Variants in C4orf50 observed in about 807,000 individuals in gnomAD.
C4orf50 encodes chromosome 4 open reading frame 50, also known as uncharacterized protein C4orf50.
Under a neutral mutation model 77.2 loss-of-function variants are expected in C4orf50, and 80 were observed. The observed-to-expected ratio is 1.04, with a 90% CI of 0.87 to 1.25. The LOEUF is 1.25. Ranked by LOEUF, C4orf50 falls within the 50% of genes most tolerant of loss-of-function variation. The probability of loss-of-function intolerance (pLI) is 0.00; values close to 1 mark genes in which losing one functional copy is unlikely to be tolerated. For missense variants in C4orf50, 1,257 were observed against 1,152.9 expected (o/e 1.09, Z -1.31); for synonymous variants, 532 against 465.3 (o/e 1.14, Z -1.84).
intron 24 of C4orf50, among the ~76,000 whole-genome samples, chr4:6,010,833 G>A (rs1001188500): frequency 2.6e-5 from 4 of 152,184 alleles, no homozygotes; most frequent in Non-Finnish European, 4.4e-5. Context: ...TTTTAGTAAT[G>A]GCTAATAATT....
chr4:5,907,678 G>A (rs1177684608), intron 7 of C4orf50, among the ~76,000 whole-genome samples: 2 of 152,150 alleles, frequency 1.3e-5, no homozygotes, highest in Admixed American at 1.3e-4. Context: ...TGGGGGAAGA[G>A]GTGCTCTAGA....
At chr4:5,981,833 C>T (rs1026228959) in intron 28 of C4orf50, among the ~76,000 whole-genome samples, 2 of 152,054 alleles carry the variant, frequency 1.3e-5, no homozygotes, top group South Asian at 4.2e-4. Context: ...CTCCCTTCCC[C>T]TTGTGATGGC....
intron 7 of C4orf50, among the ~76,000 whole-genome samples, chr4:5,911,745 A>C (rs575828726): frequency 1.4e-3 from 219 of 152,286 alleles, no homozygotes; most frequent in African/African-American, 5.0e-3. Flanking sequence ...AAAAACAAAA[A>C]CAAAAACAAA....
intron 7 of C4orf50, among the ~76,000 whole-genome samples, chr4:5,943,227 C>T (rs1053890467): frequency 6.6e-6 from 1 of 152,208 alleles, no homozygotes; most frequent in Non-Finnish European, 1.5e-5. Flanking sequence ...CAGTAGGCTT[C>T]TTCTTAAAGT....
chr4:6,005,152 C>T (rs906612021), intron 25 of C4orf50, among the ~76,000 whole-genome samples: 5 of 152,160 alleles, frequency 3.3e-5, no homozygotes, highest in African/African-American at 1.2e-4. Context: ...CATCTTGCTC[C>T]ACTCCAATGT....
intron 30 of C4orf50, among the ~76,000 whole-genome samples, chr4:5,974,190 T>C (rs556354005): frequency 1.3e-5 from 2 of 152,316 alleles, no homozygotes; most frequent in African/African-American, 4.8e-5. Context: ...GGCTTTGTCA[T>C]GGACACCAGG....
intron 7 of C4orf50, among the ~76,000 whole-genome samples, chr4:5,907,856 G>A (rs1386610864): frequency 6.6e-6 from 1 of 152,190 alleles, no homozygotes; most frequent in South Asian, 2.1e-4. Flanking sequence ...ATGTTGGCAT[G>A]TTCGAAGGAC....
chr4:5,910,907 CTTTTT>C (rs33913636), intron 7 of C4orf50, among the ~76,000 whole-genome samples: 1 of 106,552 alleles, frequency 9.4e-6, no homozygotes, highest in Non-Finnish European at 1.8e-5. Context: ...CCCTTTCTTT[CTTTTT>C]TTTTTTTTTT....
chr4:5,899,231 T>G (rs1226236436), intron 7 of C4orf50: 1 of 152,254 alleles, frequency 6.6e-6, no homozygotes, highest in Non-Finnish European at 1.5e-5. Context: ...TTGGTGCACA[T>G]GCCGAAGACA....
intron 29 of C4orf50, 115 bp from the exon 8 acceptor site, chr4:5,976,070 A>C: frequency 7.8e-6 from 6 of 770,928 alleles, no homozygotes; most frequent in South Asian, 3.0e-5. Context: ...CTTTACCCTC[A>C]TGGGGACTCA....
chr4:5,947,265 C>T (rs1039762001), intron 7 of C4orf50, among the ~76,000 whole-genome samples: 1 of 152,130 alleles, frequency 6.6e-6, no homozygotes, highest in Non-Finnish European at 1.5e-5. Flanking sequence ...AGAATGGCCT[C>T]CCTTCCTTAC....
chr4:6,003,664 GGTGATGGTGATGATA>G (rs1419324973), intron 25 of C4orf50, among the ~76,000 whole-genome samples: 10 of 149,314 alleles, frequency 6.7e-5, no homozygotes, highest in African/African-American at 2.0e-4. Context: ...TGGTGATGAT[GGTGATGGTGATGATA>G]GTGATGATGG....
intron 7 of C4orf50, among the ~76,000 whole-genome samples, chr4:5,918,656 G>C (rs926349270): frequency 7.9e-5 from 12 of 152,178 alleles, no homozygotes; most frequent in African/African-American, 2.2e-4. Context: ...AGTGGGGCTT[G>C]TAAATTGACT....
At chr4:5,921,174 G>A (rs992985608) in intron 7 of C4orf50, among the ~76,000 whole-genome samples, 1 of 152,246 alleles carries the variant, frequency 6.6e-6, no homozygotes. Context: ...GATCCCAGGG[G>A]ATGACAGGTG....
chr4:5,993,410 C>G (rs1721403253), intron 26 of C4orf50, among the ~76,000 whole-genome samples: 1 of 152,248 alleles, frequency 6.6e-6, no homozygotes, highest in Admixed American at 6.5e-5. Context: ...CCATCCCTAA[C>G]AGCCCTTGAG....
At chr4:5,994,236 G>T (rs974729806) in intron 26 of C4orf50, 111 bp downstream of exon 4, 8 of 396,976 alleles carry the variant, frequency 2.0e-5, no homozygotes, top group South Asian at 1.4e-4. Context: ...GTAGGGAGGG[G>T]GGACCACCCC....
intron 33 of C4orf50, 150 bp downstream of exon 11, chr4:5,964,874 G>A: frequency 4.9e-6 from 3 of 611,942 alleles, no homozygotes; most frequent in Non-Finnish European, 8.4e-6. Context: ...TGAAACCAGG[G>A]GGCTGTTCGG....
rs55858229 is a variant in C4orf50, at chr4:5,995,474, AACACACACACACACACACACAC to A, written c.964-1020_964-999del. ...CACAGGGGAGAGGCTTGGGACTGGA[AACACACACACACACACACACAC>A]ACACACACACACACACACACACTCA... is the stretch of plus-strand genomic sequence containing the variant. On this transcript the variant is annotated intron_variant, in intron 25 of 33. Transcript: ENST00000531445. Among the ~76,000 whole-genome samples the A allele has an allele frequency of 8.6e-4, 115 of 134,058 alleles. 1 individual carries two copies. Among genetic ancestry groups the A allele is most frequent in the Non-Finnish European group, 1.4e-3 (91 of 63,326 alleles). 87.9% of individuals were successfully genotyped at this position (134,058 alleles called of 152,430 possible).
At chr4:5,907,440 G>A (rs1292619942) in intron 7 of C4orf50, among the ~76,000 whole-genome samples, 1 of 152,128 alleles carries the variant, frequency 6.6e-6, no homozygotes, top group East Asian at 1.9e-4. Flanking sequence ...TTTTGGTGGT[G>A]GTGGGGAGGG....
Sources: allele counts gnomAD v4.1 joint callset (sites outside exome capture counted in the v4.1 genomes callset), GRCh38; gene constraint gnomAD v4.1.1; transcripts MANE v1.5; gene names NCBI Gene and HGNC (gene_info 2026-07-23, HGNC 2026-07-21).